Variants in CCBE1 observed in about 807,000 individuals in gnomAD.
CCBE1 encodes collagen and calcium binding EGF domains 1.
A neutral mutation model predicts 50.0 loss-of-function variants in CCBE1; 37 were observed. The observed-to-expected ratio is 0.74, with a 90% confidence interval of 0.57 to 0.97. The LOEUF is 0.97. Ranked by LOEUF, CCBE1 falls within the 50% of genes least tolerant of loss-of-function variation. The probability of loss-of-function intolerance (pLI) is 0.00; values close to 1 mark genes in which losing one functional copy is unlikely to be tolerated. For synonymous variants in CCBE1, 234 were observed against 203.7 expected, an observed-to-expected ratio of 1.15 and a Z score of -1.27; for missense variants, 538 against 523.8, an observed-to-expected ratio of 1.03 and a Z score of -0.26.
At chr18:59,606,922 T>C (rs2053506019) in intron 2 of CCBE1, among the ~76,000 whole-genome samples, 1 of 152,126 alleles carries the variant, frequency 6.6e-6, no homozygotes. Context: ...TATCTCACTG[T>C]TTTATAATTA....
chr18:59,629,772 A>G (rs1345683754), intron 2 of CCBE1, among the ~76,000 whole-genome samples: 3 of 152,138 alleles, frequency 2.0e-5, no homozygotes, highest in African/African-American at 7.2e-5. Context: ...ACAGACAGGC[A>G]TATGTGCCTG....
intron 2 of CCBE1, among the ~76,000 whole-genome samples, chr18:59,495,822 A>T (rs585130): frequency 4.2e-4 from 64 of 151,886 alleles, no homozygotes; most frequent in Non-Finnish European, 8.7e-4. Flanking sequence ...TCTCCAGGCA[A>T]CTGCCGCTCT....
intron 2 of CCBE1, among the ~76,000 whole-genome samples, chr18:59,667,608 C>A (rs936406547): frequency 2.6e-5 from 4 of 152,178 alleles, no homozygotes; most frequent in Non-Finnish European, 4.4e-5. Flanking sequence ...CCAATACCAA[C>A]CCACCGCTCT....
chr18:59,492,757 A>C (rs754640374), intron 2 of CCBE1, among the ~76,000 whole-genome samples: 34 of 152,236 alleles, frequency 2.2e-4, no homozygotes, highest in Non-Finnish European at 3.8e-4. Flanking sequence ...CCAAAATGAC[A>C]GAAGGAAATG....
chr18:59,432,874 A>G lies in CCBE1; in HGVS notation c.*3034T>C, dbSNP rs1423255622. The G allele has an allele frequency of 1.3e-5, 2 of 152,194 alleles. No individual in the cohort carries two copies. Among genetic ancestry groups the G allele is most frequent in the African/African-American group, 4.8e-5 (2 of 41,448 alleles). The allele number at this position is 152,194 out of a possible 1,614,324, so 9.4% of individuals were successfully genotyped here. On this transcript the variant is annotated 3_prime_UTR_variant, in exon 11 of 11. Coordinates refer to ENST00000439986, the MANE Select transcript of CCBE1 (RefSeq NM_133459.4). ...TCTAAATACAGTTCACTGTCAAAGA[A>G]AAGGTATTAAAATTCTTCTTTTAAA...
At chr18:59,636,129 G>A (rs2053912958) in intron 2 of CCBE1, among the ~76,000 whole-genome samples, 2 of 151,964 alleles carry the variant, frequency 1.3e-5, no homozygotes, top group South Asian at 4.2e-4. Flanking sequence ...CTCCAGCCTG[G>A]GCGACAGAGC....
intron 3 of CCBE1, among the ~76,000 whole-genome samples, chr18:59,473,821 T>G (rs865851229): frequency 1.5e-4 from 2 of 13,472 alleles, no homozygotes; most frequent in African/African-American, 5.3e-4. Flanking sequence ...TATTCCCCCC[T>G]ACTACTCACC....
intron 2 of CCBE1, among the ~76,000 whole-genome samples, chr18:59,527,099 G>A (rs1914855793): frequency 6.6e-6 from 1 of 152,122 alleles, no homozygotes; most frequent in Non-Finnish European, 1.5e-5. Flanking sequence ...TGACAGTGGG[G>A]TGTTAAAGTC....
At chr18:59,657,194 A>G (rs964225828) in intron 2 of CCBE1, among the ~76,000 whole-genome samples, 2 of 152,254 alleles carry the variant, frequency 1.3e-5, no homozygotes, top group Non-Finnish European at 2.9e-5. Context: ...CATGCTACCT[A>G]GAAAAGCATC....
intron 7 of CCBE1, among the ~76,000 whole-genome samples, chr18:59,442,106 C>T (rs907632081): frequency 1.3e-5 from 2 of 152,192 alleles, no homozygotes; most frequent in Non-Finnish European, 2.9e-5. Flanking sequence ...GTCTTGTCTC[C>T]ATCACCACAG....
chr18:59,683,875 C>A (rs1205106689), intron 2 of CCBE1, among the ~76,000 whole-genome samples: 1 of 151,832 alleles, frequency 6.6e-6, no homozygotes, highest in Non-Finnish European at 1.5e-5. Context: ...TCCCACCTCA[C>A]CCCCTACATC....
chr18:59,622,339 T>C (rs2053721724), intron 2 of CCBE1, among the ~76,000 whole-genome samples: 1 of 152,074 alleles, frequency 6.6e-6, no homozygotes, highest in Non-Finnish European at 1.5e-5. Flanking sequence ...CTACCAAAAA[T>C]ACAAAAGTTA....
chr18:59,447,194 T>C (rs1201871391), intron 7 of CCBE1, among the ~76,000 whole-genome samples: 1 of 152,162 alleles, frequency 6.6e-6, no homozygotes. Context: ...TATACACACA[T>C]ATATATACAC....
Position 59,438,112 on chromosome 18 carries a change from G to A in CCBE1, c.986C>T (p.Pro329Leu). The change falls in exon 10 of 11, where the codon CCA becomes CTA. Residue 329 changes from proline to leucine, a missense_variant and splice_region_variant. Coordinates refer to ENST00000439986, the MANE Select transcript of CCBE1 (RefSeq NM_133459.4). ...ERGAPGPRGS[P>L]GPPGSFDFLL... ...AGCAGGACACAGAGTGCTACTTACT[G>A]GAGACCCTCTGGGCCCAGGCGCTCC... is the stretch of plus-strand genomic sequence containing the variant. 2 of 1,614,030 alleles carry A rather than the reference G, an allele frequency of 1.2e-6. No individual in the cohort carries two copies. Among genetic ancestry groups the A allele is most frequent in the Non-Finnish European group, 1.7e-6 (2 of 1,179,994 alleles).
intron 2 of CCBE1, among the ~76,000 whole-genome samples, chr18:59,539,498 G>C (rs1043231807): frequency 1.1e-4 from 16 of 152,194 alleles, no homozygotes; most frequent in African/African-American, 3.9e-4. Flanking sequence ...CTCTGAAGTA[G>C]AGGACTCAGC....
At chr18:59,631,761 T>G (rs961757407) in intron 2 of CCBE1, among the ~76,000 whole-genome samples, 13 of 152,188 alleles carry the variant, frequency 8.5e-5, no homozygotes, top group African/African-American at 3.1e-4. Context: ...TGCCACCTTT[T>G]CCCACTAGGT....
Position 59,517,622 on chromosome 18 carries a change from C to T in CCBE1, c.213-37384G>A, listed in dbSNP as rs115336181. Among the ~76,000 whole-genome samples, 886 of 152,276 alleles carry T rather than the reference C, an allele frequency of 5.8e-3. 6 individuals are homozygous for T. Among genetic ancestry groups the T allele is most frequent in the African/African-American group, 0.02 (828 of 41,552 alleles). Reference sequence around the variant, plus strand: ...AGCCACATTTTAAGCCTAAGGGTGTCTAAATTGATTTGACAAAGCCATCAG... The same window carrying T: ...AGCCACATTTTAAGCCTAAGGGTGTTTAAATTGATTTGACAAAGCCATCAG... On this transcript the variant is annotated intron_variant, in intron 2 of 10. Coordinates refer to ENST00000439986, the MANE Select transcript of CCBE1 (RefSeq NM_133459.4).
At chr18:59,679,549 C>G (rs1489127317) in intron 2 of CCBE1, among the ~76,000 whole-genome samples, 1 of 152,178 alleles carries the variant, frequency 6.6e-6, no homozygotes, top group African/African-American at 2.4e-5. Flanking sequence ...GAGCATATGA[C>G]TCTCCATTGG....
chr18:59,692,493 G>A (rs1652072), intron 2 of CCBE1, among the ~76,000 whole-genome samples: 55,350 of 152,122 alleles, frequency 0.36, 10,903 homozygotes, highest in East Asian at 0.52. Context: ...CCACTCCCCC[G>A]CCATGGGAAC....
Sources: gnomAD v4.1 joint callset for allele counts (sites outside exome capture counted in the v4.1 genomes callset) on GRCh38, gnomAD v4.1.1 for gene constraint, MANE v1.5 for transcripts, NCBI Gene and HGNC (gene_info 2026-07-23, HGNC 2026-07-21) for gene names.